Variants in XKR7 observed in about 807,000 individuals in gnomAD.
XKR7 encodes XK related 7, also known as XK-related protein 7.
A neutral mutation model predicts 42.2 loss-of-function variants in XKR7; 11 were observed. The ratio of observed to expected loss-of-function variants is 0.26; its 90% CI spans 0.16 to 0.43. The LOEUF (loss-of-function observed/expected upper bound fraction) is 0.43. XKR7 is among the 20% of genes least tolerant of loss of function. The probability of loss-of-function intolerance (pLI) is 1.00; values close to 1 mark genes in which losing one functional copy is unlikely to be tolerated. For missense variants in XKR7, 710 were observed against 802.2 expected (o/e 0.89, Z 1.39); for synonymous variants, 346 against 366.4 (o/e 0.94, Z 0.64).
intron 1 of XKR7, among the ~76,000 whole-genome samples, chr20:31,987,972 G>C (rs1176926439): frequency 6.6e-6 from 1 of 152,214 alleles, no homozygotes; most frequent in Non-Finnish European, 1.5e-5. Context: ...TGACAGAAAT[G>C]CAGGAATGGT....
chr20:31,985,767 C>A (rs916299685), intron 1 of XKR7, among the ~76,000 whole-genome samples: 28 of 143,518 alleles, frequency 2.0e-4, no homozygotes, highest in Non-Finnish European at 3.2e-4. Context: ...ACCAAGCAGA[C>A]CCAGCATCCA....
At chr20:31,974,243 A>G (rs1483987532) in intron 1 of XKR7, among the ~76,000 whole-genome samples, 1 of 152,180 alleles carries the variant, frequency 6.6e-6, no homozygotes, top group African/African-American at 2.4e-5. Flanking sequence ...GAGGCAGAGT[A>G]AGCCTGGAGA....
chr20:31,980,763 T>A (rs1316753434), intron 1 of XKR7, among the ~76,000 whole-genome samples: 3 of 152,066 alleles, frequency 2.0e-5, no homozygotes, highest in African/African-American at 7.2e-5. Flanking sequence ...TCTCCATCAC[T>A]CTTAAGATAA....
chr20:31,989,377 C>A (rs565191430), intron 1 of XKR7, among the ~76,000 whole-genome samples: 2 of 151,950 alleles, frequency 1.3e-5, no homozygotes, highest in South Asian at 4.2e-4. Context: ...GCCTGCACGC[C>A]GAGGGGAGAA....
At position 31,988,732 on chromosome 20, in the gene XKR7, T is replaced by C. The variant is rs77223009; in HGVS notation, c.585-6336T>C. ...TCACGCAGTTCAAGCCTGAGAGCTGTTAGAGAAAGTGAGGCCTAACTGGGC... is the reference window on the plus strand; with the variant it reads ...TCACGCAGTTCAAGCCTGAGAGCTGCTAGAGAAAGTGAGGCCTAACTGGGC... On this transcript the variant is annotated intron_variant, in intron 1 of 2. Coordinates refer to ENST00000562532, the MANE Select transcript of XKR7 (RefSeq NM_001011718.2). Among the ~76,000 whole-genome samples, 127 of 152,132 alleles carry C rather than the reference T, an allele frequency of 8.3e-4. 8 individuals carry two copies. The East Asian group carries it at 0.022, about 26-fold the overall frequency.
Position 31,997,276 on chromosome 20 carries a change from G to T in XKR7, c.1559G>T (p.Gly520Val). The T allele has an allele frequency of 2.5e-6, 4 of 1,612,310 alleles. No homozygotes were observed. The highest frequency in any genetic ancestry group is 3.4e-6 in the Non-Finnish European group (4 of 1,180,016). ...GTGGCCCGCACCTTGCGGACAGAGG[G>T]GCCTGTCATCCGGATTGACTTGCCT... ...TPVARTLRTE[G>V]PVIRIDLPRK... Residue 520 changes from glycine to valine, a missense_variant, in exon 3 of 3, where the codon GGG becomes GTG. Physicochemically the swap from Gly to Val is moderately radical, Grantham distance 109. Around this residue, in one of 2 missense-constraint regions of XKR7, gnomAD observed 708 missense variants for 786.2 expected, o/e 0.90. Transcript: ENST00000562532.
In XKR7 at chr20:32,001,896, T is replaced by G. The variant is rs909865687; in HGVS notation, c.*4439T>G. ...GTTTCTATATTAAAGTGCTTTGCAG[T>G]GTCTCAATGGAAGGGAACAAGTGGG... is the stretch of plus-strand genomic sequence containing the variant. On this transcript the variant is annotated 3_prime_UTR_variant, in exon 3 of 3. Transcript: ENST00000562532. The G allele has an allele frequency of 1.6e-4, 25 of 152,332 alleles. 1 individual carries two copies. The highest frequency in any genetic ancestry group is 6.5e-4 in the Admixed American group (10 of 15,296). 9.4% of individuals were successfully genotyped at this position (152,332 alleles called of 1,614,324 possible).
At chr20:31,984,500 G>A (rs1479603735) in intron 1 of XKR7, among the ~76,000 whole-genome samples, 1 of 152,202 alleles carries the variant, frequency 6.6e-6, no homozygotes, top group Non-Finnish European at 1.5e-5. Flanking sequence ...GTGGGGAGGG[G>A]CTTGATGAAC....
At chr20:31,977,762 A>G (rs1468017753) in intron 1 of XKR7, among the ~76,000 whole-genome samples, 2 of 152,152 alleles carry the variant, frequency 1.3e-5, no homozygotes, top group Non-Finnish European at 2.9e-5. Context: ...TGCGAACTCA[A>G]AGTAAAGGGA....
rs777315466 is a variant in XKR7 at position 31,968,512 on chromosome 20, G to T, written c.337G>T (p.Val113Phe). The stretch of plus-strand genomic sequence containing the variant: ...GCAGTTACTGAGCTTCCGCTGGTTC[G>T]TCTACGACTACTCGGAGCCCGCAGG... ...VVQLLSFRWF[V>F]YDYSEPAGSP... Residue 113 changes from valine (V) to phenylalanine (F), a missense_variant, in exon 1 of 3, where the codon GTC (valine) becomes TTC (phenylalanine). Coordinates refer to ENST00000562532, the MANE Select transcript of XKR7 (RefSeq NM_001011718.2). This position sits in a 1 kb window ranked among gnomAD's most constrained non-coding sequence, Gnocchi z 4.5. The T allele has an allele frequency of 1.2e-6, 2 of 1,612,508 alleles. No homozygotes were observed. Among genetic ancestry groups the T allele is most frequent in the Non-Finnish European group, 8.5e-7 (1 of 1,179,288 alleles).
chr20:31,987,517 C>G (rs975332861), intron 1 of XKR7, among the ~76,000 whole-genome samples: 3 of 151,614 alleles, frequency 2.0e-5, no homozygotes, highest in Middle Eastern at 6.8e-3. Flanking sequence ...AAGACACAGA[C>G]AGACAGACCA....
intron 1 of XKR7, among the ~76,000 whole-genome samples, chr20:31,987,072 T>C (rs1283057886): frequency 5.6e-4 from 50 of 89,030 alleles, no homozygotes; most frequent in East Asian, 1.1e-3. Flanking sequence ...ACCAAACAGA[T>C]CCAGTATCCA....
At chr20:31,984,748 C>A (rs537791831) in intron 1 of XKR7, among the ~76,000 whole-genome samples, 1 of 152,196 alleles carries the variant, frequency 6.6e-6, no homozygotes, top group Non-Finnish European at 1.5e-5. Flanking sequence ...GTACTGCACA[C>A]CTTCCAGGCG....
chr20:31,974,357 C>A (rs925846611), intron 1 of XKR7, among the ~76,000 whole-genome samples: 2 of 152,092 alleles, frequency 1.3e-5, no homozygotes, highest in African/African-American at 4.8e-5. Context: ...CTAATGCGAC[C>A]TCTTTCCTTC....
At chr20:31,989,014 G>A (rs1184109131) in intron 1 of XKR7, among the ~76,000 whole-genome samples, 4 of 152,142 alleles carry the variant, frequency 2.6e-5, no homozygotes, top group South Asian at 2.1e-4. Context: ...CAAGACAGAC[G>A]AGATCCCTGC....
At chr20:31,973,942 C>T (rs886864762) in intron 1 of XKR7, among the ~76,000 whole-genome samples, 2 of 152,102 alleles carry the variant, frequency 1.3e-5, no homozygotes, top group African/African-American at 2.4e-5. Context: ...CGCTTGTAAT[C>T]CCAGCACTTT....
At position 32,001,525 on chromosome 20, in the gene XKR7, A is replaced by T. The variant is rs921220353; in HGVS notation, c.*4068A>T. On this transcript the variant is annotated 3_prime_UTR_variant, in exon 3 of 3. Transcript: ENST00000562532. ...TGAGACTTTGCTAGTCCAACCCTAA[A>T]TCCCCATCACCTGGCTATCTGAGAA... is the stretch of plus-strand genomic sequence containing the variant. The T allele has an allele frequency of 9.2e-5, 14 of 152,080 alleles. No individual in the cohort carries two copies. Among genetic ancestry groups the T allele is most frequent in the Non-Finnish European group, 1.9e-4 (13 of 68,048 alleles). The allele number at this position is 152,080 out of a possible 1,614,324, so 9.4% of individuals were successfully genotyped here.
In XKR7 at chr20:31,995,094, T is replaced by G. The variant is rs1004384214; in HGVS notation, c.611T>G (p.Leu204Arg). 6.4e-7 allele frequency: 1 copy of G among 1,553,892 alleles called. No homozygotes were observed. The highest frequency in any genetic ancestry group is 8.7e-7 in the Non-Finnish European group (1 of 1,150,018). The change falls in exon 2 of 3, where the codon CTG (leucine) becomes CGG (arginine). Residue 204 changes from leucine to arginine, a missense_variant. By Grantham distance (102) the Leu-to-Arg change is moderately radical. Coordinates refer to ENST00000562532, the MANE Select transcript of XKR7 (RefSeq NM_001011718.2). This position sits in a 1 kb window ranked among gnomAD's most constrained non-coding sequence, Gnocchi z 4.1. ...WRYLRALYLG[L>R]QSRWRGERLR... is the part of the protein sequence containing the mutation. The stretch of plus-strand genomic sequence containing the variant: ...TACCTGCGCGCCCTGTACCTGGGGC[T>G]GCAGAGCCGCTGGCGCGGGGAGCGG...
chr20:31,987,731 C>T (rs559889325), intron 1 of XKR7, among the ~76,000 whole-genome samples: 1 of 152,212 alleles, frequency 6.6e-6, no homozygotes, highest in Non-Finnish European at 1.5e-5. Context: ...AAGCAGACCT[C>T]GTATTCACAG....
Sources: allele counts gnomAD v4.1 joint callset (sites outside exome capture counted in the v4.1 genomes callset), GRCh38; gene constraint gnomAD v4.1.1; regional missense constraint gnomAD v4.1.1; non-coding constraint Gnocchi (gnomAD v3.1); transcripts MANE v1.5; gene names NCBI Gene and HGNC (gene_info 2026-07-23, HGNC 2026-07-21).